CRACD: variants seen among roughly 807,000 people sequenced by gnomAD.
CRACD encodes the protein capping protein-inhibiting regulator of actin dynamics.
A neutral mutation model predicts 106.8 loss-of-function variants in CRACD; 56 were observed. That is an observed-to-expected ratio of 0.52 (90% CI 0.42 to 0.66). The LOEUF (loss-of-function observed/expected upper bound fraction) is 0.66. Among genes scored for constraint, CRACD ranks in the 30% least tolerant of loss-of-function variants. The pLI, the probability that CRACD is intolerant of heterozygous loss-of-function variation, is 0.00. For missense variants in CRACD, 1,730 were observed against 1,623.2 expected (o/e 1.07, Z -1.13); for synonymous variants, 754 against 670.8 (o/e 1.12, Z -1.92).
chr4:56,094,026 G>C (rs138790397), intron 1 of CRACD, among the ~76,000 whole-genome samples: 78 of 152,292 alleles, frequency 5.1e-4, no homozygotes, highest in African/African-American at 1.8e-3. Context: ...ATAGTCACTA[G>C]AAGTCAGATG....
intron 2 of CRACD, among the ~76,000 whole-genome samples, chr4:56,243,861 T>C (rs1740512393): frequency 6.7e-6 from 1 of 148,628 alleles, no homozygotes; most frequent in South Asian, 2.2e-4. Flanking sequence ...AAATAGTAGG[T>C]CTTATTCATT....
At chr4:56,244,062 G>C (rs1002848480) in intron 2 of CRACD, among the ~76,000 whole-genome samples, 3 of 152,100 alleles carry the variant, frequency 2.0e-5, no homozygotes, top group African/African-American at 7.2e-5. Context: ...CAGGAGGATT[G>C]TCTTACTGGG....
chr4:56,145,933 T>G (rs1735362980), intron 1 of CRACD, among the ~76,000 whole-genome samples: 1 of 152,178 alleles, frequency 6.6e-6, no homozygotes, highest in African/African-American at 2.4e-5. Flanking sequence ...CTATTTTTTC[T>G]TACTTTTTTT....
At chr4:56,081,534 A>G (rs1344332461) in intron 1 of CRACD, among the ~76,000 whole-genome samples, 3 of 152,218 alleles carry the variant, frequency 2.0e-5, no homozygotes, top group Admixed American at 2.0e-4. Flanking sequence ...AATGCTGCAC[A>G]TTTGTAAAGG....
chr4:56,316,638 C>T lies in CRACD; in HGVS notation c.3136C>T (p.Pro1046Ser), dbSNP rs1210148271. Residue 1046 changes from proline (P) to serine (S), a missense_variant, in exon 8 of 11, where the codon CCT (proline) becomes TCT (serine). Physicochemically the swap from Pro to Ser is moderately conservative, Grantham distance 74. Around this residue, in one of 5 missense-constraint regions of CRACD, gnomAD observed 1,620 missense variants for 1,481.6 expected, o/e 1.09. Coordinates refer to ENST00000682029, the MANE Select transcript of CRACD (RefSeq NM_001393381.1). ...TERKPASPPL[P>S]ATQQEKPSQT... ...GAGGAAACCTGCTTCCCCACCTCTGCCTGCCACTCAGCAAGAGAAACCTTC... is the reference window on the plus strand; with the variant it reads ...GAGGAAACCTGCTTCCCCACCTCTGTCTGCCACTCAGCAAGAGAAACCTTC... The T allele has an allele frequency of 6.2e-7, 1 of 1,613,320 alleles. No individual in the cohort carries two copies. Among genetic ancestry groups the T allele is most frequent in the Admixed American group, 1.7e-5 (1 of 60,018 alleles).
chr4:56,182,992 G>C (rs953855231), intron 2 of CRACD, among the ~76,000 whole-genome samples: 1 of 151,040 alleles, frequency 6.6e-6, no homozygotes, highest in Admixed American at 6.6e-5. Flanking sequence ...CAGTACTTTG[G>C]GAGGCCAAGG....
intron 1 of CRACD, among the ~76,000 whole-genome samples, chr4:56,162,131 C>A (rs1310030138): frequency 6.6e-6 from 1 of 152,082 alleles, no homozygotes; most frequent in Non-Finnish European, 1.5e-5. Flanking sequence ...TGTTGAAAAG[C>A]ACAATTTTGG....
intron 6 of CRACD, among the ~76,000 whole-genome samples, 157 bp from the exon 7 acceptor site, chr4:56,313,040 G>A (rs574325178): frequency 5.3e-5 from 8 of 152,274 alleles, no homozygotes; most frequent in African/African-American, 1.9e-4. Context: ...TTCCAAAACG[G>A]GTGTTCATTT....
intron 1 of CRACD, among the ~76,000 whole-genome samples, chr4:56,152,693 C>G (rs989572847): frequency 6.6e-6 from 1 of 151,088 alleles, no homozygotes; most frequent in African/African-American, 2.4e-5. Flanking sequence ...GAGTGAGACC[C>G]TGTCTCAAAA....
intron 1 of CRACD, among the ~76,000 whole-genome samples, chr4:56,085,000 T>C (rs1733164801): frequency 6.6e-6 from 1 of 152,186 alleles, no homozygotes; most frequent in South Asian, 2.1e-4. Context: ...GTATGTGGTG[T>C]GATTGAGATG....
intron 1 of CRACD, among the ~76,000 whole-genome samples, chr4:56,077,505 A>G (rs1271919483): frequency 6.6e-6 from 1 of 152,170 alleles, no homozygotes; most frequent in Non-Finnish European, 1.5e-5. Flanking sequence ...TGCCTACCAA[A>G]AGCCTCATGT....
intron 2 of CRACD, among the ~76,000 whole-genome samples, chr4:56,251,942 T>C (rs1741078242): frequency 6.6e-6 from 1 of 152,228 alleles, no homozygotes; most frequent in South Asian, 2.1e-4. Context: ...GAGCAAGAAA[T>C]ATGTTTTATA....
At chr4:56,217,387 C>T (rs560820126) in intron 2 of CRACD, among the ~76,000 whole-genome samples, 1 of 126,670 alleles carries the variant, frequency 7.9e-6, no homozygotes, top group African/African-American at 2.9e-5. Flanking sequence ...AGATATCAAT[C>T]AATACATGTA....
intron 1 of CRACD, among the ~76,000 whole-genome samples, chr4:56,130,300 C>G (rs527470950): frequency 6.6e-6 from 1 of 152,148 alleles, no homozygotes; most frequent in Non-Finnish European, 1.5e-5. Context: ...ATAATCTCAA[C>G]AAATCTAAAA....
At position 56,328,539 on chromosome 4, in the gene CRACD, G is replaced by GAA. The variant is rs1746618032; in HGVS notation, c.*737_*738dup. 4.2e-5 allele frequency: 17 copies of GAA among 409,186 alleles called. No homozygotes were observed. The highest frequency in any genetic ancestry group is 3.3e-4 in the South Asian group (17 of 51,544). The allele number at this position is 409,186 out of a possible 1,614,324, so 25.3% of individuals were successfully genotyped here. A position where few individuals can be genotyped will look rare whatever the true frequency, so the allele number is the denominator to read the frequency against. ...GAACATTTTAATTTAATGTAGTGAA[G>GAA]AAAGACAATTCTAGATCAGAGCTAC... On this transcript the variant is annotated 3_prime_UTR_variant, in exon 11 of 11. Transcript: ENST00000682029.
intron 1 of CRACD, among the ~76,000 whole-genome samples, chr4:56,098,828 C>T (rs1733681254): frequency 6.6e-6 from 1 of 152,070 alleles, no homozygotes; most frequent in South Asian, 2.1e-4. Flanking sequence ...GTGTGCACCA[C>T]CACGCCCGGC....
intron 2 of CRACD, among the ~76,000 whole-genome samples, chr4:56,261,155 C>T (rs1006827085): frequency 6.6e-6 from 1 of 152,036 alleles, no homozygotes; most frequent in Non-Finnish European, 1.5e-5. Flanking sequence ...TGCTGCAAGG[C>T]GAAGTAGCAG....
intron 2 of CRACD, among the ~76,000 whole-genome samples, chr4:56,180,562 G>A (rs1037675315): frequency 1.3e-5 from 2 of 151,778 alleles, no homozygotes; most frequent in African/African-American, 4.8e-5. Context: ...CATTATTTTG[G>A]CTGCAGATAT....
In CRACD at chr4:56,197,967, G is replaced by A. The variant is rs547840862; in HGVS notation, c.-189+18537G>A. Reference sequence around the variant, plus strand: ...GCTGGAATTACAGGCGTGAGCACCTGCACCCAGCCGGGTGATTTTTTTTTA... The same window carrying A: ...GCTGGAATTACAGGCGTGAGCACCTACACCCAGCCGGGTGATTTTTTTTTA... On this transcript the variant is annotated intron_variant, in intron 2 of 10. Coordinates refer to ENST00000682029, the MANE Select transcript of CRACD (RefSeq NM_001393381.1). 1.5e-3 allele frequency among the ~76,000 whole-genome samples: 227 copies of A among 152,186 alleles called. 1 individual carries two copies. Among genetic ancestry groups the A allele is most frequent in the Admixed American group, 4.8e-3 (74 of 15,282 alleles).
Sources: allele counts gnomAD v4.1 joint callset (sites outside exome capture counted in the v4.1 genomes callset), GRCh38; gene constraint gnomAD v4.1.1; regional missense constraint gnomAD v4.1.1; transcripts MANE v1.5; gene names NCBI Gene and HGNC (gene_info 2026-07-23, HGNC 2026-07-21).